Variants in CPPED1 observed in about 807,000 individuals in gnomAD.
CPPED1 encodes serine/threonine-protein phosphatase CPPED1.
In CPPED1, 28 loss-of-function variants were observed where a neutral mutation model predicts 28.0. The ratio of observed to expected loss-of-function variants is 1.00; its 90% CI spans 0.74 to 1.37. The LOEUF (loss-of-function observed/expected upper bound fraction) is 1.37, where lower values mean the gene tolerates loss of function less well. Among genes scored for constraint, CPPED1 ranks in the 40% most tolerant of loss-of-function variants. The probability of loss-of-function intolerance (pLI) is 0.00; values close to 1 mark genes in which losing one functional copy is unlikely to be tolerated. For synonymous variants in CPPED1, 198 were observed against 180.2 expected (o/e 1.10, Z -0.79); for missense variants, 504 against 416.5 (o/e 1.21, Z -1.83).
At chr16:12,725,032 T>G (rs903440583) in intron 2 of CPPED1, among the ~76,000 whole-genome samples, 16 of 152,034 alleles carry the variant, frequency 1.1e-4, no homozygotes, top group African/African-American at 2.9e-4. Context: ...GTGATCCACC[T>G]GCCTTGGCCT....
chr16:12,752,368 T>G (rs923428947), intron 2 of CPPED1, among the ~76,000 whole-genome samples: 1 of 152,068 alleles, frequency 6.6e-6, no homozygotes, highest in African/African-American at 2.4e-5. Context: ...ACTCTTATGT[T>G]ATCTCCTACT....
intron 2 of CPPED1, among the ~76,000 whole-genome samples, chr16:12,777,903 CTTTT>C (rs67527035): frequency 7.9e-6 from 1 of 126,604 alleles, no homozygotes; most frequent in Non-Finnish European, 1.7e-5. Context: ...TTTCTATTTT[CTTTT>C]TTTTTTTTTT....
At chr16:12,712,483 G>A (rs770432537) in intron 2 of CPPED1, among the ~76,000 whole-genome samples, 15 of 152,138 alleles carry the variant, frequency 9.9e-5, no homozygotes, top group Non-Finnish European at 1.8e-4. Flanking sequence ...ACACAAGTGT[G>A]CAAAACATAA....
At chr16:12,782,004 A>G (rs926625347) in intron 1 of CPPED1, among the ~76,000 whole-genome samples, 5 of 152,166 alleles carry the variant, frequency 3.3e-5, no homozygotes, top group African/African-American at 1.2e-4. Flanking sequence ...AATCGATGCT[A>G]ACATTTCAAA....
In CPPED1 at chr16:12,779,202, T is replaced by C. The variant is rs536849863; in HGVS notation, c.289+1983A>G. ...GAGAAGAAACCACTGAACAGAAAAA[T>C]TTGAAATCTTCTTTTCTTCTTCTTT... is the stretch of plus-strand genomic sequence containing the variant. On this transcript the variant is annotated intron_variant, in intron 2 of 3. Transcript: ENST00000381774. Among the ~76,000 whole-genome samples, 3 of 152,128 alleles carry C rather than the reference T, an allele frequency of 2.0e-5. No individual in the cohort carries two copies. In the South Asian group the frequency reaches 6.2e-4, roughly 32 times the overall value.
intron 1 of CPPED1, among the ~76,000 whole-genome samples, chr16:12,792,816 C>T (rs2080604666): frequency 6.6e-6 from 1 of 152,164 alleles, no homozygotes; most frequent in Admixed American, 6.6e-5. Context: ...TTGTCTTCCC[C>T]CATGATTGTG....
intron 2 of CPPED1, among the ~76,000 whole-genome samples, chr16:12,744,485 C>T (rs1409953635): frequency 1.3e-5 from 2 of 152,166 alleles, no homozygotes; most frequent in South Asian, 2.1e-4. Context: ...AAACACGAAG[C>T]CACAGTACTT....
At chr16:12,775,731 C>A (rs554263935) in intron 2 of CPPED1, among the ~76,000 whole-genome samples, 1 of 152,172 alleles carries the variant, frequency 6.6e-6, no homozygotes, top group African/African-American at 2.4e-5. Context: ...CAAAACGAAG[C>A]GCACAAGGTT....
At chr16:12,738,834 T>C (rs2080239841) in intron 2 of CPPED1, among the ~76,000 whole-genome samples, 1 of 152,206 alleles carries the variant, frequency 6.6e-6, no homozygotes, top group African/African-American at 2.4e-5. Context: ...TTTTGTTCAG[T>C]TGCAATATTA....
intron 2 of CPPED1, among the ~76,000 whole-genome samples, chr16:12,761,764 A>C (rs1234407627): frequency 6.6e-6 from 1 of 152,158 alleles, no homozygotes; most frequent in Non-Finnish European, 1.5e-5. Flanking sequence ...TAATACCAAC[A>C]CTTTGGGAGG....
At chr16:12,680,478 G>A (rs992548668) in intron 3 of CPPED1, among the ~76,000 whole-genome samples, 1 of 152,124 alleles carries the variant, frequency 6.6e-6, no homozygotes, top group Non-Finnish European at 1.5e-5. Context: ...GGGAGGTCAG[G>A]AGAGTTCAGA....
At chr16:12,668,022 T>C (rs904476381) in intron 3 of CPPED1, among the ~76,000 whole-genome samples, 5 of 152,146 alleles carry the variant, frequency 3.3e-5, no homozygotes, top group African/African-American at 1.2e-4. Flanking sequence ...ATCACACAGA[T>C]AGCAGGAATC....
rs7189352 is a variant in CPPED1 at position 12,802,706 on chromosome 16, G to C, written c.70+1001C>G. 8.9e-3 allele frequency among the ~76,000 whole-genome samples: 1,361 copies of C among 152,310 alleles called. 19 individuals carry two copies. Among genetic ancestry groups the C allele is most frequent in the African/African-American group, 0.031 (1,294 of 41,560 alleles). ...GTGAATGAACTTTAAAATGAGGTGT[G>C]ACGGTTGAGAGAGCCAGGCTCACCA... On this transcript the variant is annotated intron_variant, in intron 1 of 3. Transcript: ENST00000381774.
intron 2 of CPPED1, among the ~76,000 whole-genome samples, chr16:12,724,952 A>G (rs2080162336): frequency 6.6e-6 from 1 of 151,508 alleles, no homozygotes; most frequent in African/African-American, 2.4e-5. Context: ...ACGCCCGGCT[A>G]ATTTTTTGTA....
At chr16:12,665,612 T>C (rs762583800) in intron 3 of CPPED1, among the ~76,000 whole-genome samples, 12 of 151,720 alleles carry the variant, frequency 7.9e-5, no homozygotes, top group Non-Finnish European at 1.6e-4. Context: ...GCCAACATGA[T>C]GAAACTCTGT....
At chr16:12,761,296 A>G (rs2080408725) in intron 2 of CPPED1, 1 of 151,370 alleles carries the variant, frequency 6.6e-6, no homozygotes, top group Admixed American at 6.6e-5. Flanking sequence ...AAAAAAAAGA[A>G]AAAGAAAAAG....
At chr16:12,790,918 CAAAAAAA>C (rs538022826) in intron 1 of CPPED1, among the ~76,000 whole-genome samples, 1 of 63,290 alleles carries the variant, frequency 1.6e-5, no homozygotes, top group African/African-American at 4.8e-5. Context: ...GACTCTATCT[CAAAAAAA>C]AAAAAAAAAA....
chr16:12,698,518 G>A (rs147910913), intron 3 of CPPED1, among the ~76,000 whole-genome samples: 12 of 152,154 alleles, frequency 7.9e-5, no homozygotes, highest in African/African-American at 2.6e-4. Context: ...CGCAACCTCC[G>A]CCTCCAGGGT....
rs1158970194 is a variant in CPPED1 at position 12,682,503 on chromosome 16, G to A, written c.716-17388C>T. Among the ~76,000 whole-genome samples, 1 of 152,152 alleles carries A rather than the reference G, an allele frequency of 6.6e-6. No individual in the cohort carries two copies. Among genetic ancestry groups the A allele is most frequent in the Non-Finnish European group, 1.5e-5 (1 of 68,024 alleles). On this transcript the variant is annotated intron_variant, in intron 3 of 3. Transcript: ENST00000381774. This position sits in a 1 kb window ranked among gnomAD's most constrained non-coding sequence, Gnocchi z 6.1. ...AGTGGCAGCCTGGGGTGGGAGCTAGGGGTTGGGAGACTCAGGCGTGAACCT... is the reference window on the plus strand; with the variant it reads ...AGTGGCAGCCTGGGGTGGGAGCTAGAGGTTGGGAGACTCAGGCGTGAACCT...
Sources: gnomAD v4.1 joint callset for allele counts (sites outside exome capture counted in the v4.1 genomes callset) on GRCh38, gnomAD v4.1.1 for gene constraint, Gnocchi (gnomAD v3.1) non-coding constraint, MANE v1.5 for transcripts, NCBI Gene and HGNC (gene_info 2026-07-23, HGNC 2026-07-21) for gene names.